ARPP21: variants seen among roughly 807,000 people sequenced by gnomAD.
ARPP21 encodes cAMP regulated phosphoprotein 21.
In ARPP21, 69 loss-of-function variants were observed where a neutral mutation model predicts 113.2. The ratio of observed to expected loss-of-function variants is 0.61; its 90% CI spans 0.50 to 0.74. The LOEUF is 0.74. ARPP21 is among the 30% of genes least tolerant of loss of function. The pLI is 0.00. For missense variants in ARPP21, 1,070 were observed against 1,037.4 expected, an observed-to-expected ratio of 1.03 and a Z score of -0.43; for synonymous variants, 368 against 375.5, an observed-to-expected ratio of 0.98 and a Z score of 0.23.
rs1575943868 is a variant in ARPP21, at chr3:35,696,060, T to G, written c.686+5055T>G. 2.6e-5 allele frequency among the ~76,000 whole-genome samples: 4 copies of G among 151,620 alleles called. No homozygotes were observed. In the South Asian group the frequency reaches 8.3e-4, roughly 31 times the overall value. Reference sequence around the variant, plus strand: ...TTGTCAATGACAGTAGGAGGCTACATAAGATTGAATAGAATCTTGAAGGCG... The same window carrying G: ...TTGTCAATGACAGTAGGAGGCTACAGAAGATTGAATAGAATCTTGAAGGCG... On this transcript the variant is annotated intron_variant, in intron 9 of 20. Transcript: ENST00000684406.
intron 12 of ARPP21, chr3:35,715,874 G>T (rs1166712080): frequency 6.4e-6 from 1 of 156,594 alleles, no homozygotes; most frequent in African/African-American, 2.4e-5. Context: ...GCCACTTCCT[G>T]TGCCCCATAA....
chr3:35,694,718 T>G (rs1409315055), intron 9 of ARPP21, among the ~76,000 whole-genome samples: 2 of 150,948 alleles, frequency 1.3e-5, no homozygotes, highest in African/African-American at 4.8e-5. Flanking sequence ...AAAATTGCAA[T>G]CCTTTTAAGT....
chr3:35,693,104 G>T lies in ARPP21; in HGVS notation c.686+2099G>T, dbSNP rs1412828643. Reference sequence around the variant, plus strand: ...TGCCACATGTTTATACCTTTAGGAAGAGTTGAAAGTAAGTGTGTGCAGAGA... The same window carrying T: ...TGCCACATGTTTATACCTTTAGGAATAGTTGAAAGTAAGTGTGTGCAGAGA... On this transcript the variant is annotated intron_variant, in intron 9 of 20. Transcript: ENST00000684406. Among the ~76,000 whole-genome samples the T allele has an allele frequency of 1.8e-4, 27 of 151,484 alleles. 1 individual carries two copies. Among genetic ancestry groups the T allele is most frequent in the Admixed American group, 1.8e-3 (27 of 15,168 alleles).
In ARPP21 at chr3:35,790,292, A is replaced by G. The variant is rs758478637; in HGVS notation, c.2138-2090A>G. 2.0e-5 allele frequency among the ~76,000 whole-genome samples: 3 copies of G among 152,200 alleles called. No homozygotes were observed. In the East Asian group the frequency reaches 5.8e-4, roughly 29 times the overall value. On this transcript the variant is annotated intron_variant, in intron 19 of 20. Transcript: ENST00000684406. ...GTACATTGCCTGCTCTTTGCTGTAG[A>G]ACTAAATCAGAAGGAAATCTGTTGG...
intron 9 of ARPP21, among the ~76,000 whole-genome samples, chr3:35,705,224 G>T (rs777561139): frequency 6.6e-5 from 10 of 152,026 alleles, no homozygotes; most frequent in Non-Finnish European, 1.0e-4. Context: ...ATAAATATTG[G>T]ATGAAAATGT....
Position 35,732,014 on chromosome 3 carries a change from G to A in ARPP21, c.1459+2478G>A, listed in dbSNP as rs1249635066. 1.1e-4 allele frequency among the ~76,000 whole-genome samples: 17 copies of A among 152,092 alleles called. No individual in the cohort carries two copies. In the East Asian group the frequency reaches 3.1e-3, roughly 28 times the overall value. ...AAAAAGTCTTAGGCACTGTACTGGT[G>A]CTCAATAATTACATCATTATTGAAG... is the stretch of plus-strand genomic sequence containing the variant. On this transcript the variant is annotated intron_variant, in intron 15 of 20. Transcript: ENST00000684406.
At chr3:35,745,470 T>C (rs2094968174) in intron 19 of ARPP21, among the ~76,000 whole-genome samples, 1 of 152,196 alleles carries the variant, frequency 6.6e-6, no homozygotes, top group Non-Finnish European at 1.5e-5. Context: ...TGATTTTTAT[T>C]AGGTTTGGTG....
intron 19 of ARPP21, among the ~76,000 whole-genome samples, chr3:35,768,098 G>C (rs1039413255): frequency 9.5e-6 from 1 of 105,672 alleles, no homozygotes; most frequent in Admixed American, 8.2e-5. Flanking sequence ...GTGTGTGTGT[G>C]TGTGTGTGTG....
At chr3:35,646,948 C>T (rs1700466269) in intron 1 of ARPP21, among the ~76,000 whole-genome samples, 1 of 152,100 alleles carries the variant, frequency 6.6e-6, no homozygotes, top group African/African-American at 2.4e-5. Flanking sequence ...ACTTTGGTCA[C>T]AACACTTTTT....
At chr3:35,643,989 T>C (rs2148868496) in intron 1 of ARPP21, among the ~76,000 whole-genome samples, 2 of 152,148 alleles carry the variant, frequency 1.3e-5, no homozygotes, top group African/African-American at 4.8e-5. Context: ...AAACATATAC[T>C]TCCTTTCTTT....
intron 1 of ARPP21, among the ~76,000 whole-genome samples, chr3:35,657,560 C>G (rs1263422600): frequency 1.3e-5 from 2 of 152,158 alleles, no homozygotes; most frequent in African/African-American, 4.8e-5. Flanking sequence ...TTAATCCTCT[C>G]AGCCACTTTT....
At chr3:35,770,657 CA>C (rs2096167626) in intron 19 of ARPP21, among the ~76,000 whole-genome samples, 1 of 152,160 alleles carries the variant, frequency 6.6e-6, no homozygotes, top group Non-Finnish European at 1.5e-5. Context: ...GTGGATTTCA[CA>C]ATTGCTGAGC....
chr3:35,757,647 G>A (rs983692245), intron 19 of ARPP21, among the ~76,000 whole-genome samples: 4 of 152,072 alleles, frequency 2.6e-5, no homozygotes, highest in African/African-American at 9.7e-5. Context: ...TGAAAACAAT[G>A]CAGTGCATAA....
chr3:35,683,015 G>A (rs2079434153), intron 4 of ARPP21, 126 bp downstream of exon 4: 2 of 867,954 alleles, frequency 2.3e-6, no homozygotes, highest in South Asian at 2.0e-5. Flanking sequence ...CATCTCGGCT[G>A]TACTGGTGCT....
intron 1 of ARPP21, among the ~76,000 whole-genome samples, chr3:35,670,088 G>A (rs549360569): frequency 6.6e-6 from 1 of 152,182 alleles, no homozygotes; most frequent in African/African-American, 2.4e-5. Context: ...TTTAGTAACA[G>A]GTAATGATAG....
intron 9 of ARPP21, among the ~76,000 whole-genome samples, chr3:35,692,403 AT>A (rs954351709): frequency 2.8e-4 from 42 of 151,586 alleles, no homozygotes; most frequent in African/African-American, 8.9e-4. Flanking sequence ...CTTATTCTTC[AT>A]TTTTTAATGG....
intron 9 of ARPP21, among the ~76,000 whole-genome samples, chr3:35,691,766 C>A (rs1247076164): frequency 6.6e-6 from 1 of 151,492 alleles, no homozygotes; most frequent in South Asian, 2.1e-4. Context: ...ACCATACAAG[C>A]CAATTTTATA....
chr3:35,762,560 G>A (rs139565607), intron 19 of ARPP21, among the ~76,000 whole-genome samples: 60 of 152,086 alleles, frequency 3.9e-4, no homozygotes, highest in Admixed American at 2.0e-3. Flanking sequence ...GAGGCTAAAG[G>A]GCTGGGAAAG....
intron 19 of ARPP21, among the ~76,000 whole-genome samples, chr3:35,757,263 A>G (rs1285157008): frequency 1.3e-5 from 2 of 151,800 alleles, no homozygotes; most frequent in Non-Finnish European, 2.9e-5. Context: ...CGGTCTTGTT[A>G]TGTTGCCCAG....
Sources: gnomAD v4.1 joint callset for allele counts (sites outside exome capture counted in the v4.1 genomes callset) on GRCh38, gnomAD v4.1.1 for gene constraint, MANE v1.5 for transcripts, NCBI Gene and HGNC (gene_info 2026-07-23, HGNC 2026-07-21) for gene names.